PCDHGB1: variants seen among roughly 807,000 people sequenced by gnomAD.
PCDHGB1 encodes protocadherin gamma-B1.
In PCDHGB1, 34 loss-of-function variants were observed where a neutral mutation model predicts 56.6. The ratio of observed to expected loss-of-function variants is 0.60; its 90% confidence interval spans 0.46 to 0.80. PCDHGB1 has a LOEUF of 0.80. Ranked by LOEUF, PCDHGB1 falls within the 30% of genes least tolerant of loss-of-function variation. PCDHGB1 has a pLI of 0.00. For missense variants in PCDHGB1, 1,278 were observed against 1,204.6 expected, an observed-to-expected ratio of 1.06 and a Z score of -0.90; for synonymous variants, 561 against 505.9, an observed-to-expected ratio of 1.11 and a Z score of -1.46.
intron 1 of PCDHGB1, chr5:141,376,074 T>C (rs1309324229): frequency 6.2e-6 from 10 of 1,613,500 alleles, no homozygotes; most frequent in South Asian, 1.1e-5. Flanking sequence ...ACCGTGGCCG[T>C]GGCCGACAGG....
chr5:141,443,254 G>A (rs185181143), intron 1 of PCDHGB1, among the ~76,000 whole-genome samples: 30 of 152,006 alleles, frequency 2.0e-4, no homozygotes, highest in Admixed American at 1.6e-3. Context: ...GCCAAGGCGG[G>A]TGGATCACTT....
intron 1 of PCDHGB1, chr5:141,417,718 G>A: frequency 7.7e-7 from 1 of 1,304,720 alleles, no homozygotes; most frequent in Non-Finnish European, 1.0e-6. Flanking sequence ...GCTCCCGGCT[G>A]CGCAGACCTT....
At chr5:141,416,657 A>C (rs1194195210) in intron 1 of PCDHGB1, 6 of 152,232 alleles carry the variant, frequency 3.9e-5, no homozygotes, top group Non-Finnish European at 7.3e-5. Context: ...TGTAAAAAAG[A>C]AAAGAATATA....
chr5:141,489,297 G>T lies in PCDHGB1; in HGVS notation c.2410-5510G>T. On this transcript the variant is annotated intron_variant, in intron 1 of 3. Transcript: ENST00000523390. This position sits in a 1 kb window ranked among gnomAD's most constrained non-coding sequence, Gnocchi z 4.5. Reference sequence around the variant, plus strand: ...GGAAATGGCAAGTGCTGTGCATGTTGTCCTTGTGCTGCTGGGGCTGGGTGT... The same window carrying T: ...GGAAATGGCAAGTGCTGTGCATGTTTTCCTTGTGCTGCTGGGGCTGGGTGT... 1.9e-6 allele frequency: 3 copies of T among 1,583,774 alleles called. No homozygotes were observed. Among genetic ancestry groups the T allele is most frequent in the Non-Finnish European group, 8.6e-7 (1 of 1,164,904 alleles).
chr5:141,403,703 G>A (rs747321937), intron 1 of PCDHGB1: 5 of 1,613,946 alleles, frequency 3.1e-6, no homozygotes, highest in Non-Finnish European at 4.2e-6. Context: ...CCGAGTTAAA[G>A]TCCTTGAGAA....
At chr5:141,412,139 T>C (rs1380576842) in intron 1 of PCDHGB1, 1 of 152,250 alleles carries the variant, frequency 6.6e-6, no homozygotes, top group Non-Finnish European at 1.5e-5. Flanking sequence ...TGGCCTCTGA[T>C]ACAAACTGCC....
chr5:141,374,903 C>T, intron 1 of PCDHGB1: 5 of 1,613,798 alleles, frequency 3.1e-6, no homozygotes, highest in Non-Finnish European at 4.2e-6. Flanking sequence ...TGAAGGAGTC[C>T]ACGGGGAAGT....
intron 1 of PCDHGB1, chr5:141,375,877 G>C (rs752155500): frequency 3.1e-6 from 5 of 1,613,794 alleles, no homozygotes; most frequent in South Asian, 1.1e-5. Flanking sequence ...ACAGAGACTC[G>C]GGCCAGAACG....
intron 1 of PCDHGB1, chr5:141,390,317 C>T: frequency 1.2e-6 from 2 of 1,610,390 alleles, no homozygotes; most frequent in Non-Finnish European, 1.7e-6. Context: ...ATGCTCATTG[C>T]CTACCCATTT....
intron 1 of PCDHGB1, chr5:141,419,237 C>A (rs2096348240): frequency 6.2e-7 from 1 of 1,613,988 alleles, no homozygotes; most frequent in Non-Finnish European, 8.5e-7. Flanking sequence ...CTACCTGGTC[C>A]ACGTGCCAGA....
intron 1 of PCDHGB1, chr5:141,421,647 G>A: frequency 6.2e-7 from 1 of 1,613,872 alleles, no homozygotes; most frequent in Non-Finnish European, 8.5e-7. Context: ...ACGAAGTGGA[G>A]ATAAAAGTCA....
intron 1 of PCDHGB1, chr5:141,390,939 A>G (rs572047279): frequency 6.6e-6 from 1 of 152,412 alleles, no homozygotes; most frequent in Admixed American, 6.5e-5. Context: ...TTAGAAGATC[A>G]AAAGCAGATT....
chr5:141,490,822 C>T lies in PCDHGB1; in HGVS notation c.2410-3985C>T. ...GCGTACCTTTGACTATGAATTGCTG[C>T]AGATGCTGCAGATTGTGGTGGGGGT... On this transcript the variant is annotated intron_variant, in intron 1 of 3. Coordinates refer to ENST00000523390, the MANE Select transcript of PCDHGB1 (RefSeq NM_018922.3). This position sits in a 1 kb window ranked among gnomAD's most constrained non-coding sequence, Gnocchi z 5.4. 2 of 1,613,842 alleles carry T rather than the reference C, an allele frequency of 1.2e-6. No individual in the cohort carries two copies. Among genetic ancestry groups the T allele is most frequent in the Non-Finnish European group, 1.7e-6 (2 of 1,179,790 alleles).
chr5:141,470,825 C>T (rs557419577), intron 1 of PCDHGB1, among the ~76,000 whole-genome samples: 5 of 152,064 alleles, frequency 3.3e-5, no homozygotes, highest in Admixed American at 1.3e-4. Context: ...GTAGTTAGGA[C>T]GACAAACACA....
In PCDHGB1 at chr5:141,485,053, G is replaced by A. The variant is rs555996081; in HGVS notation, c.2410-9754G>A. On this transcript the variant is annotated intron_variant, in intron 1 of 3. Coordinates refer to ENST00000523390, the MANE Select transcript of PCDHGB1 (RefSeq NM_018922.3). The surrounding 1 kb of genome is among the most constrained non-coding windows in gnomAD (Gnocchi z 5.7). ...GCGCGTAACCCTTGCGGCGCCGGCC[G>A]AACCGCGCCAGAGCTGGCGCGGGGA... 6.9e-5 allele frequency: 57 copies of A among 820,742 alleles called. 2 individuals carry two copies. In the South Asian group the frequency reaches 9.3e-4, roughly 13 times the overall value. 50.8% of individuals were successfully genotyped at this position (820,742 alleles called of 1,614,324 possible).
chr5:141,448,543 G>C (rs1001667281), intron 1 of PCDHGB1, among the ~76,000 whole-genome samples: 3 of 151,988 alleles, frequency 2.0e-5, no homozygotes, highest in Admixed American at 6.6e-5. Context: ...CATTTCTTAT[G>C]CAAATATGTA....
chr5:141,376,088 C>T lies in PCDHGB1; in HGVS notation c.2409+23419C>T, dbSNP rs527893060. 5.1e-5 allele frequency: 83 copies of T among 1,613,666 alleles called. No homozygotes were observed. The highest frequency in any genetic ancestry group is 2.0e-4 in the East Asian group (9 of 44,878). On this transcript the variant is annotated intron_variant, in intron 1 of 3. Coordinates refer to ENST00000523390, the MANE Select transcript of PCDHGB1 (RefSeq NM_018922.3). Reference sequence around the variant, plus strand: ...CACCGTGGCCGTGGCCGACAGGATCCCCGACATCCTGGCCGACCTGGGCAG... The same window carrying T: ...CACCGTGGCCGTGGCCGACAGGATCTCCGACATCCTGGCCGACCTGGGCAG...
At chr5:141,393,592 G>A (rs200863279) in intron 1 of PCDHGB1, 127 of 1,613,790 alleles carry the variant, frequency 7.9e-5, no homozygotes, top group Non-Finnish European at 1.0e-4. Context: ...CCAGGCACGC[G>A]GCTGCTTACT....
chr5:141,365,052 T>G (rs1179156267), intron 1 of PCDHGB1: 2 of 1,613,872 alleles, frequency 1.2e-6, no homozygotes, highest in Admixed American at 1.7e-5. Flanking sequence ...AATGCGCCCC[T>G]GTTCACCCCA....
Sources: allele counts gnomAD v4.1 joint callset (sites outside exome capture counted in the v4.1 genomes callset), GRCh38; gene constraint gnomAD v4.1.1; non-coding constraint Gnocchi (gnomAD v3.1); transcripts MANE v1.5; gene names NCBI Gene and HGNC (gene_info 2026-07-23, HGNC 2026-07-21).